PCCA: variants seen among roughly 807,000 people sequenced by gnomAD.
The protein encoded by PCCA is propionyl-CoA carboxylase alpha chain, mitochondrial.
PCCA carries 74 observed loss-of-function variants against 101.3 expected under a neutral mutation model. The ratio of observed to expected loss-of-function variants is 0.73; its 90% CI spans 0.61 to 0.89. PCCA has a LOEUF of 0.89. PCCA is among the 40% of genes least tolerant of loss of function. The pLI is 0.00. For synonymous variants in PCCA, 294 were observed against 313.6 expected (o/e 0.94, Z 0.66); for missense variants, 891 against 907.0 (o/e 0.98, Z 0.23).
intron 21 of PCCA, among the ~76,000 whole-genome samples, chr13:100,503,945 A>G (rs1354456320): frequency 1.3e-5 from 2 of 152,194 alleles, no homozygotes; most frequent in Non-Finnish European, 2.9e-5. Flanking sequence ...CCCAGGCTAA[A>G]TGTATTTGTA....
At chr13:100,142,682 C>G (rs947966591) in intron 4 of PCCA, among the ~76,000 whole-genome samples, 1 of 152,118 alleles carries the variant, frequency 6.6e-6, no homozygotes, top group African/African-American at 2.4e-5. Context: ...CCATGTTGGC[C>G]AGGCTGGTCT....
At chr13:100,444,630 A>G (rs1354612131) in intron 20 of PCCA, among the ~76,000 whole-genome samples, 1 of 151,760 alleles carries the variant, frequency 6.6e-6, no homozygotes, top group African/African-American at 2.4e-5. Context: ...TTTAGTAGAG[A>G]TGGAGTTTCA....
chr13:100,470,784 G>A (rs1263950097), intron 21 of PCCA, among the ~76,000 whole-genome samples: 6 of 152,096 alleles, frequency 3.9e-5, no homozygotes, highest in Non-Finnish European at 7.4e-5. Flanking sequence ...GCTTGAACCC[G>A]GGAGGCGGAG....
At chr13:100,159,648 C>A (rs1268987688) in intron 6 of PCCA, among the ~76,000 whole-genome samples, 3 of 152,142 alleles carry the variant, frequency 2.0e-5, no homozygotes, top group African/African-American at 7.2e-5. Flanking sequence ...TAGAGAAAAA[C>A]CTGTAGAATA....
intron 21 of PCCA, among the ~76,000 whole-genome samples, chr13:100,506,624 C>A (rs571051348): frequency 6.6e-6 from 1 of 151,940 alleles, no homozygotes; most frequent in Non-Finnish European, 1.5e-5. Context: ...TTGTTGAAGC[C>A]CCTCACATTA....
At chr13:100,113,470 G>A (rs1323865806) in intron 4 of PCCA, among the ~76,000 whole-genome samples, 1 of 151,942 alleles carries the variant, frequency 6.6e-6, no homozygotes, top group Non-Finnish European at 1.5e-5. Flanking sequence ...TAGGCTACAC[G>A]ACATTTATAG....
intron 20 of PCCA, among the ~76,000 whole-genome samples, chr13:100,426,399 T>C (rs2079150723): frequency 1.3e-5 from 2 of 152,168 alleles, no homozygotes; most frequent in South Asian, 2.1e-4. Context: ...TATCACAGGC[T>C]AATAAAAATC....
At chr13:100,289,247 T>C (rs575451623) in intron 12 of PCCA, among the ~76,000 whole-genome samples, 1 of 152,310 alleles carries the variant, frequency 6.6e-6, no homozygotes, top group African/African-American at 2.4e-5. Context: ...CCTCCTGTTT[T>C]GTCTGGTCCT....
intron 7 of PCCA, among the ~76,000 whole-genome samples, chr13:100,232,389 T>TGGGGGG (rs1566760222): frequency 6.7e-6 from 1 of 149,624 alleles, no homozygotes; most frequent in African/African-American, 2.5e-5. Context: ...TGTGTGTGTG[T>TGGGGGG]GTGGTTTTAG....
chr13:100,193,005 G>A (rs1356117974), intron 6 of PCCA, among the ~76,000 whole-genome samples: 3 of 152,244 alleles, frequency 2.0e-5, no homozygotes, highest in East Asian at 3.9e-4. Flanking sequence ...GCCTGCTTCC[G>A]AGAGTGAAAA....
At chr13:100,312,103 ATT>A (rs1184950788) in intron 16 of PCCA, among the ~76,000 whole-genome samples, 22 of 152,322 alleles carry the variant, frequency 1.4e-4, no homozygotes, top group African/African-American at 4.8e-4. Flanking sequence ...ATGCTAGATG[ATT>A]AATAAATGTT....
chr13:100,410,767 T>C (rs1166613874), intron 19 of PCCA, among the ~76,000 whole-genome samples: 1 of 152,258 alleles, frequency 6.6e-6, no homozygotes, highest in Non-Finnish European at 1.5e-5. Context: ...ACTCTTTTTT[T>C]TCCCCAAGAG....
In PCCA at chr13:100,287,852, C is replaced by T. The variant is rs140933565; in HGVS notation, c.1066-13608C>T. Among the ~76,000 whole-genome samples, 9 of 151,798 alleles carry T rather than the reference C, an allele frequency of 5.9e-5. 1 individual carries two copies. The highest frequency in any genetic ancestry group is 1.7e-4 in the African/African-American group (7 of 41,376). On this transcript the variant is annotated intron_variant, in intron 12 of 23. Coordinates refer to ENST00000376285, the MANE Select transcript of PCCA (RefSeq NM_000282.4). ...TCAAGAATTTATTTTTTAGAGATACCTGTGGGTAGTGTATTTGAATTCTTA... is the reference window on the plus strand; with the variant it reads ...TCAAGAATTTATTTTTTAGAGATACTTGTGGGTAGTGTATTTGAATTCTTA...
chr13:100,318,723 G>A (rs1459543300), intron 16 of PCCA, among the ~76,000 whole-genome samples: 1 of 152,044 alleles, frequency 6.6e-6, no homozygotes, highest in East Asian at 1.9e-4. Flanking sequence ...TCTTAATCCA[G>A]TCTATCATTG....
chr13:100,224,070 G>T (rs1459581221), intron 7 of PCCA, among the ~76,000 whole-genome samples: 2 of 152,262 alleles, frequency 1.3e-5, no homozygotes, highest in Non-Finnish European at 2.9e-5. Flanking sequence ...CCCTTGGGTG[G>T]TCGATGGGAC....
At chr13:100,503,397 G>C (rs1245505885) in intron 21 of PCCA, among the ~76,000 whole-genome samples, 2 of 152,328 alleles carry the variant, frequency 1.3e-5, no homozygotes. Flanking sequence ...GGCTGAGGCA[G>C]GAGAATCACT....
intron 18 of PCCA, among the ~76,000 whole-genome samples, chr13:100,354,734 A>G (rs868224138): frequency 4.9e-4 from 75 of 152,336 alleles, no homozygotes; most frequent in African/African-American, 1.8e-3. Flanking sequence ...CCAATAAACA[A>G]GATAACTTAG....
intron 22 of PCCA, 105 bp from the exon 23 acceptor site, chr13:100,527,570 A>G: frequency 2.6e-6 from 2 of 777,788 alleles, no homozygotes; most frequent in Admixed American, 3.5e-5. Context: ...GTTCATAGAC[A>G]CATATTTTGG....
intron 20 of PCCA, among the ~76,000 whole-genome samples, chr13:100,440,190 ATATATATATATATATATAT>A (rs2080255699): frequency 9.2e-4 from 91 of 99,158 alleles, no homozygotes; most frequent in South Asian, 3.2e-3. Context: ...ATATATATAT[ATATATATATATATATATAT>A]AAAACGTGAT....
Sources: allele counts gnomAD v4.1 joint callset (sites outside exome capture counted in the v4.1 genomes callset), GRCh38; gene constraint gnomAD v4.1.1; transcripts MANE v1.5; gene names NCBI Gene and HGNC (gene_info 2026-07-23, HGNC 2026-07-21).